TRPM3: variants seen among roughly 807,000 people sequenced by gnomAD.
TRPM3 encodes transient receptor potential cation channel subfamily M member 3, also known as long transient receptor potential channel 3.
A neutral mutation model predicts 181.2 loss-of-function variants in TRPM3; 77 were observed. The observed-to-expected ratio is 0.42, with a 90% CI of 0.35 to 0.51. The LOEUF (loss-of-function observed/expected upper bound fraction) is 0.51. Ranked by LOEUF, TRPM3 falls within the 20% of genes least tolerant of loss-of-function variation. The pLI, the probability that TRPM3 is intolerant of heterozygous loss-of-function variation, is 0.01. For synonymous variants in TRPM3, 745 were observed against 796.4 expected (o/e 0.94, Z 1.09); for missense variants, 1,759 against 2,196.7 (o/e 0.80, Z 3.98).
chr9:70,610,547 G>A (rs895690091), intron 19 of TRPM3, 62 bp downstream of exon 19: 9 of 1,570,334 alleles, frequency 5.7e-6, no homozygotes, highest in Admixed American at 5.2e-5. Flanking sequence ...ACAGATGCAT[G>A]AGAAATGGAC....
At chr9:70,843,798 C>G (rs954743624) in intron 4 of TRPM3, among the ~76,000 whole-genome samples, 2 of 152,052 alleles carry the variant, frequency 1.3e-5, no homozygotes, top group South Asian at 4.2e-4. Flanking sequence ...TTTTTAAAAA[C>G]CATTTAAAGA....
At chr9:71,022,573 C>CA (rs2097855719) in intron 1 of TRPM3, among the ~76,000 whole-genome samples, 1 of 151,954 alleles carries the variant, frequency 6.6e-6, no homozygotes, top group African/African-American at 2.4e-5. Flanking sequence ...TGGCCACTAC[C>CA]TATAGTCCCA....
In TRPM3 at chr9:70,969,435, T is replaced by G. The variant is rs574187597; in HGVS notation, c.178-104924A>C. Among the ~76,000 whole-genome samples the G allele has an allele frequency of 5.3e-5, 8 of 151,994 alleles. No homozygotes were observed. In the South Asian group the frequency reaches 1.2e-3, roughly 24 times the overall value. On this transcript the variant is annotated intron_variant, in intron 1 of 25. Coordinates refer to ENST00000677713, the MANE Select transcript of TRPM3 (RefSeq NM_001366145.2). The stretch of plus-strand genomic sequence containing the variant: ...CCTTAAAGTTAAAAATAATAAGACA[T>G]TATGTAAAAACTAAGGAAATCTGAA...
intron 1 of TRPM3, among the ~76,000 whole-genome samples, chr9:71,103,833 T>C (rs1190067158): frequency 6.6e-6 from 1 of 152,170 alleles, no homozygotes; most frequent in East Asian, 1.9e-4. Flanking sequence ...TGACAGACTA[T>C]GCCCTCTTTC....
At chr9:71,122,639 C>T (rs981126022), upstream of TRPM3, among the ~76,000 whole-genome samples, 5 of 152,198 alleles carry the variant, frequency 3.3e-5, no homozygotes, top group African/African-American at 1.2e-4. Flanking sequence ...GTGGTGCAAG[C>T]AGATGTGATA....
At chr9:70,664,548 G>C (rs1332140728) in intron 9 of TRPM3, among the ~76,000 whole-genome samples, 2 of 151,752 alleles carry the variant, frequency 1.3e-5, no homozygotes, top group South Asian at 4.2e-4. Flanking sequence ...CTTAACTTGA[G>C]AGAATTTGTT....
intron 19 of TRPM3, among the ~76,000 whole-genome samples, chr9:70,609,073 C>T (rs922977125): frequency 1.3e-5 from 2 of 152,138 alleles, no homozygotes; most frequent in Non-Finnish European, 2.9e-5. Context: ...AGGAACTGTT[C>T]TAAGTGCTTT....
chr9:70,784,223 T>C lies in TRPM3; in HGVS notation c.1030A>G (p.Ile344Val). ...CGAAGGTACTCCAAAACAATCGAGATCACATTGGGTCCTCCTTCCACTATG... is the reference window on the plus strand; with the variant it reads ...CGAAGGTACTCCAAAACAATCGAGACCACATTGGGTCCTCCTTCCACTATG... ...ALIVEGGPNV[I>V]SIVLEYLRDT... The change falls in exon 7 of 26, where the codon ATC becomes GTC. Residue 344 changes from isoleucine (I) to valine (V), a missense_variant. Ile to Val is a conservative substitution (Grantham distance 29). This residue lies in a region of TRPM3 where 737 missense variants were observed against 957.4 expected (regional missense o/e 0.77). Coordinates refer to ENST00000677713, the MANE Select transcript of TRPM3 (RefSeq NM_001366145.2). 6.2e-7 allele frequency: 1 copy of C among 1,613,144 alleles called. No individual in the cohort carries two copies. The highest frequency in any genetic ancestry group is 8.5e-7 in the Non-Finnish European group (1 of 1,179,620).
chr9:70,862,645 T>G (rs73647172), intron 3 of TRPM3, among the ~76,000 whole-genome samples: 6,888 of 152,176 alleles, frequency 0.045, 252 homozygotes, highest in East Asian at 0.13. Context: ...TTAAAATGAT[T>G]AATAATAAGA....
At chr9:70,910,049 G>C (rs987077082) in intron 1 of TRPM3, among the ~76,000 whole-genome samples, 1 of 152,098 alleles carries the variant, frequency 6.6e-6, no homozygotes, top group Non-Finnish European at 1.5e-5. Context: ...AGCAATTCCA[G>C]TCCTAGGCAA....
chr9:70,943,031 G>T (rs2096900673), intron 1 of TRPM3, among the ~76,000 whole-genome samples: 1 of 151,962 alleles, frequency 6.6e-6, no homozygotes, highest in Admixed American at 6.6e-5. Context: ...TGGCATTCGA[G>T]ATGTGAATTT....
intron 14 of TRPM3, among the ~76,000 whole-genome samples, chr9:70,624,004 G>A (rs1042560121): frequency 6.6e-5 from 10 of 152,028 alleles, no homozygotes; most frequent in South Asian, 2.1e-4. Flanking sequence ...ACAACTGATC[G>A]TATTTGCTGC....
At chr9:70,802,002 C>A (rs1426912767) in intron 6 of TRPM3, among the ~76,000 whole-genome samples, 5 of 152,170 alleles carry the variant, frequency 3.3e-5, no homozygotes, top group African/African-American at 9.7e-5. Context: ...CACTGCTGGA[C>A]CCCACCTCCA....
At chr9:71,035,395 AT>A (rs1404806137) in intron 1 of TRPM3, among the ~76,000 whole-genome samples, 2 of 152,224 alleles carry the variant, frequency 1.3e-5, no homozygotes, top group East Asian at 3.8e-4. Flanking sequence ...AAATTTAGTC[AT>A]TCATATATTG....
At chr9:71,175,396 T>C (rs1477636434) in intron 1 of TRPM3, among the ~76,000 whole-genome samples, 2 of 152,152 alleles carry the variant, frequency 1.3e-5, no homozygotes, top group Admixed American at 1.3e-4. Context: ...GTGCATATGG[T>C]TGACTCTGAG....
intron 1 of TRPM3, among the ~76,000 whole-genome samples, chr9:71,120,884 T>A (rs978872785): frequency 6.6e-6 from 1 of 152,102 alleles, no homozygotes; most frequent in African/African-American, 2.4e-5. Context: ...TTAATTCTGT[T>A]TTAGGAATGG....
At chr9:71,393,730 G>A (rs984033096) in intron 1 of TRPM3, among the ~76,000 whole-genome samples, 15 of 152,190 alleles carry the variant, frequency 9.9e-5, no homozygotes, top group African/African-American at 2.4e-4. Context: ...CAATGGCCTG[G>A]AATAAACAAA....
At chr9:70,787,763 C>CTTTTTTTTTTTTTTTTTTTTTCTTTTTAT (rs2084071076) in intron 6 of TRPM3, among the ~76,000 whole-genome samples, 3 of 68,558 alleles carry the variant, frequency 4.4e-5, no homozygotes, top group Admixed American at 1.8e-4. Context: ...TTTTTGGATT[C>CTTTTTTTTTTTTTTTTTTTTTCTTTTTAT]TTTTTTTTTT....
intron 1 of TRPM3, among the ~76,000 whole-genome samples, chr9:70,967,186 T>G (rs2097194012): frequency 6.6e-6 from 1 of 152,064 alleles, no homozygotes; most frequent in Non-Finnish European, 1.5e-5. Context: ...TGTGGAACAT[T>G]TTAATTCTGC....
Sources: gnomAD v4.1 joint callset for allele counts (sites outside exome capture counted in the v4.1 genomes callset) on GRCh38, gnomAD v4.1.1 for gene constraint, gnomAD v4.1.1 regional missense constraint, MANE v1.5 for transcripts, NCBI Gene and HGNC (gene_info 2026-07-23, HGNC 2026-07-21) for gene names.